Variants in MLLT3 observed in about 807,000 individuals in gnomAD.
MLLT3 encodes MLLT3 super elongation complex subunit.
MLLT3 carries 4 observed loss-of-function variants against 53.2 expected under a neutral mutation model. The observed-to-expected ratio is 0.08, with a 90% CI of 0.04 to 0.17. The LOEUF (loss-of-function observed/expected upper bound fraction) is 0.17. Among genes scored for constraint, MLLT3 ranks in the 10% least tolerant of loss-of-function variants. MLLT3 has a pLI of 1.00. For synonymous variants in MLLT3, 283 were observed against 230.6 expected, an observed-to-expected ratio of 1.23 and a Z score of -2.06; for missense variants, 569 against 684.0, an observed-to-expected ratio of 0.83 and a Z score of 1.87.
chr9:20,432,515 T>C (rs1415009662), intron 4 of MLLT3, among the ~76,000 whole-genome samples: 1 of 152,152 alleles, frequency 6.6e-6, no homozygotes, highest in East Asian at 1.9e-4. Context: ...AGGGCAGAAT[T>C]AGCTGATACG....
intron 2 of MLLT3, among the ~76,000 whole-genome samples, chr9:20,543,729 GGAAGGA>G (rs374332449): frequency 7.5e-4 from 114 of 151,132 alleles, no homozygotes; most frequent in African/African-American, 2.6e-3. Context: ...GGAGGAAGGA[GGAAGGA>G]GGAGGAGGAG....
At chr9:20,544,527 C>A (rs1818734202) in intron 2 of MLLT3, among the ~76,000 whole-genome samples, 1 of 152,112 alleles carries the variant, frequency 6.6e-6, no homozygotes, top group Non-Finnish European at 1.5e-5. Context: ...AATGAAGCCA[C>A]AATGAAGTAC....
In MLLT3 at chr9:20,414,360, GCTGCTGCTGCTGCTGCTA is replaced by G. The variant is rs747061659; in HGVS notation, c.468_485del (p.Ser185_Ser190del). On this transcript the variant is annotated inframe_deletion, in exon 5 of 11. Transcript: ENST00000380338. ...TGCTGCTGCTACTGCTGCTGCTGCT[GCTGCTGCTGCTGCTGCTA>G]CTGCTGCTGCTGCTGCTGCTGCTGG... is the stretch of plus-strand genomic sequence containing the variant. 61 of 1,604,286 alleles carry G rather than the reference GCTGCTGCTGCTGCTGCTA, an allele frequency of 3.8e-5. No individual in the cohort carries two copies. Among genetic ancestry groups the G allele is most frequent in the Middle Eastern group, 1.8e-4 (1 of 5,500 alleles).
intron 2 of MLLT3, among the ~76,000 whole-genome samples, chr9:20,546,147 A>G: frequency 6.6e-6 from 1 of 152,156 alleles, no homozygotes; most frequent in East Asian, 1.9e-4. Flanking sequence ...CAGAACATGA[A>G]CTCCCAACAC....
At chr9:20,488,990 T>A (rs1398925622) in intron 2 of MLLT3, among the ~76,000 whole-genome samples, 1 of 152,218 alleles carries the variant, frequency 6.6e-6, no homozygotes, top group Non-Finnish European at 1.5e-5. Context: ...GGTATTTCAT[T>A]TTATCTGTCT....
rs1244412669 is a variant in MLLT3, at chr9:20,345,430, TAATA to T, written c.*1009_*1012del. 3 of 208,428 alleles carry T rather than the reference TAATA, an allele frequency of 1.4e-5. No individual in the cohort carries two copies. The highest frequency in any genetic ancestry group is 2.9e-5 in the Non-Finnish European group (3 of 102,720). The allele number at this position is 208,428 out of a possible 1,614,324, so 12.9% of individuals were successfully genotyped here. A position where few individuals can be genotyped will look rare whatever the true frequency, so the allele number is the denominator to read the frequency against. ...AGCTGAAGAAAGCTGAAACTCTGACTAATAAATAGATCCAAATTAAGAATTTCTA... is the reference window on the plus strand; with the variant it reads ...AGCTGAAGAAAGCTGAAACTCTGACTAATAGATCCAAATTAAGAATTTCTA... On this transcript the variant is annotated 3_prime_UTR_variant, in exon 11 of 11. Transcript: ENST00000380338.
In MLLT3 at chr9:20,455,710, T is replaced by C. The variant is rs1413386481; in HGVS notation, c.276+994A>G. On this transcript the variant is annotated intron_variant, in intron 3 of 10. Transcript: ENST00000380338. ...ATATCTCTGGAGGAAAAATAAGGAA[T>C]ATGATATAATAATTAGCATTTTGAA... Among the ~76,000 whole-genome samples the C allele has an allele frequency of 2.6e-5, 4 of 152,196 alleles. No homozygotes were observed. In the East Asian group the frequency reaches 7.7e-4, roughly 29 times the overall value.
intron 2 of MLLT3, among the ~76,000 whole-genome samples, chr9:20,602,761 T>TACACACACACACACAC (rs3086486): frequency 4.1e-5 from 6 of 147,304 alleles, no homozygotes; most frequent in Non-Finnish European, 9.0e-5. Context: ...TTAAGTTTGA[T>TACACACACACACACAC]ACACACACAC....
At chr9:20,515,515 A>G (rs929731464) in intron 2 of MLLT3, among the ~76,000 whole-genome samples, 6 of 152,088 alleles carry the variant, frequency 3.9e-5, no homozygotes, top group Non-Finnish European at 8.8e-5. Context: ...ATGGGGGAGG[A>G]GGAAGGTATC....
chr9:20,438,565 T>C (rs961876264), intron 4 of MLLT3, among the ~76,000 whole-genome samples: 2 of 152,206 alleles, frequency 1.3e-5, no homozygotes, highest in Non-Finnish European at 2.9e-5. Flanking sequence ...ACTATAGAGG[T>C]TTGTCACTAC....
At chr9:20,462,451 GAACTGTAGCCACCCAATAT>G (rs1392703452) in intron 2 of MLLT3, among the ~76,000 whole-genome samples, 1 of 151,792 alleles carries the variant, frequency 6.6e-6, no homozygotes, top group East Asian at 1.9e-4. Flanking sequence ...ATACAATAAG[GAACTGTAGCCACCCAATAT>G]AACTGTCTAA....
At chr9:20,493,389 C>A (rs1825001500) in intron 2 of MLLT3, among the ~76,000 whole-genome samples, 1 of 151,824 alleles carries the variant, frequency 6.6e-6, no homozygotes, top group Non-Finnish European at 1.5e-5. Context: ...CTTTTAACAC[C>A]CTGAAATAAC....
chr9:20,407,343 C>G (rs183693367), intron 5 of MLLT3, among the ~76,000 whole-genome samples: 1 of 152,122 alleles, frequency 6.6e-6, no homozygotes, highest in African/African-American at 2.4e-5. Context: ...CAATCTAGAC[C>G]CAAGAGAGTC....
At chr9:20,617,541 C>A (rs1820863279) in intron 2 of MLLT3, among the ~76,000 whole-genome samples, 1 of 152,098 alleles carries the variant, frequency 6.6e-6, no homozygotes, top group South Asian at 2.1e-4. Context: ...AAATTCACAT[C>A]ATACTAAAAA....
At chr9:20,608,765 C>T (rs1442993181) in intron 2 of MLLT3, among the ~76,000 whole-genome samples, 3 of 151,974 alleles carry the variant, frequency 2.0e-5, no homozygotes, top group African/African-American at 7.2e-5. Context: ...TGTGCCCATA[C>T]ATACATTTAA....
At chr9:20,611,095 G>A (rs1820690630) in intron 2 of MLLT3, among the ~76,000 whole-genome samples, 1 of 152,058 alleles carries the variant, frequency 6.6e-6, no homozygotes, top group African/African-American at 2.4e-5. Context: ...TCATATTAAT[G>A]AAGTATTTGT....
chr9:20,501,362 T>C (rs1825220695), intron 2 of MLLT3, among the ~76,000 whole-genome samples: 1 of 152,182 alleles, frequency 6.6e-6, no homozygotes, highest in Admixed American at 6.5e-5. Context: ...CCTCACATAG[T>C]TAAGGCATCT....
chr9:20,578,351 GGATT>G (rs1480891942), intron 2 of MLLT3, among the ~76,000 whole-genome samples: 2 of 152,048 alleles, frequency 1.3e-5, no homozygotes, highest in East Asian at 3.9e-4. Context: ...TGAAAAACAG[GGATT>G]GATTACTAAT....
intron 5 of MLLT3, among the ~76,000 whole-genome samples, chr9:20,370,966 T>C (rs1461500018): frequency 6.6e-6 from 1 of 152,182 alleles, no homozygotes; most frequent in South Asian, 2.1e-4. Context: ...AAAGTGCTAC[T>C]CCAGTGAACT....
Sources: gnomAD v4.1 joint callset for allele counts (sites outside exome capture counted in the v4.1 genomes callset) on GRCh38, gnomAD v4.1.1 for gene constraint, MANE v1.5 for transcripts, NCBI Gene and HGNC (gene_info 2026-07-23, HGNC 2026-07-21) for gene names.